Variants in ACBD6 observed in about 807,000 individuals in gnomAD.
The protein encoded by ACBD6 is acyl-CoA binding domain containing 6.
In ACBD6, 28 loss-of-function variants were observed where a neutral mutation model predicts 37.2. The ratio of observed to expected loss-of-function variants is 0.75; its 90% CI spans 0.56 to 1.03. ACBD6 has a LOEUF of 1.03. Ranked by LOEUF, ACBD6 falls within the 50% of genes least tolerant of loss-of-function variation. The pLI, the probability that ACBD6 is intolerant of heterozygous loss-of-function variation, is 0.00. For missense variants in ACBD6, 340 were observed against 337.4 expected (o/e 1.01, Z -0.06); for synonymous variants, 113 against 126.8 (o/e 0.89, Z 0.73).
chr1:180,452,436 A>T (rs1237289822), intron 3 of ACBD6, among the ~76,000 whole-genome samples: 1 of 151,954 alleles, frequency 6.6e-6, no homozygotes, highest in Non-Finnish European at 1.5e-5. Context: ...ATGCCACTGT[A>T]CTCCAGCCTG....
intron 6 of ACBD6, among the ~76,000 whole-genome samples, chr1:180,335,086 T>C (rs1347388962): frequency 6.6e-6 from 1 of 152,320 alleles, no homozygotes; most frequent in African/African-American, 2.4e-5. Flanking sequence ...GAAAACACTC[T>C]GCAGGATATT....
chr1:180,468,240 T>A (rs1051572665), intron 3 of ACBD6, among the ~76,000 whole-genome samples: 2 of 152,202 alleles, frequency 1.3e-5, no homozygotes, highest in East Asian at 3.8e-4. Context: ...CTTCTGGGCT[T>A]GCTAGGTAAT....
chr1:180,411,107 C>A (rs56376445), intron 5 of ACBD6, among the ~76,000 whole-genome samples: 9,647 of 152,166 alleles, frequency 0.063, 947 homozygotes, highest in African/African-American at 0.21. Context: ...AGAAGTGGAA[C>A]CTGAAGATGT....
intron 3 of ACBD6, among the ~76,000 whole-genome samples, chr1:180,481,927 G>A (rs1189992536): frequency 3.9e-5 from 6 of 152,114 alleles, no homozygotes; most frequent in Non-Finnish European, 7.4e-5. Context: ...GGGCTGGATG[G>A]AGTACTATCA....
chr1:180,303,932 G>A (rs1008647066), intron 7 of ACBD6, among the ~76,000 whole-genome samples: 2 of 150,774 alleles, frequency 1.3e-5, no homozygotes, highest in African/African-American at 4.8e-5. Context: ...TTCATCCCTG[G>A]GATGCAAGGC....
intron 3 of ACBD6, among the ~76,000 whole-genome samples, chr1:180,447,325 T>A (rs547290317): frequency 4.1e-4 from 63 of 152,290 alleles, no homozygotes; most frequent in Non-Finnish European, 7.4e-4. Context: ...AGATAATTTT[T>A]ACATATAATT....
chr1:180,316,649 C>A (rs1246878844), intron 6 of ACBD6, among the ~76,000 whole-genome samples: 1 of 152,136 alleles, frequency 6.6e-6, no homozygotes, highest in Non-Finnish European at 1.5e-5. Context: ...AAAGCATAAT[C>A]TATTTCTTTT....
intron 7 of ACBD6, among the ~76,000 whole-genome samples, chr1:180,297,691 A>T (rs1354582230): frequency 6.6e-6 from 1 of 152,144 alleles, no homozygotes; most frequent in African/African-American, 2.4e-5. Flanking sequence ...AGTGTTTAGG[A>T]TTATAGTATC....
intron 5 of ACBD6, among the ~76,000 whole-genome samples, chr1:180,405,528 G>C (rs1647578916): frequency 6.6e-6 from 1 of 152,116 alleles, no homozygotes; most frequent in Admixed American, 6.6e-5. Context: ...GAATGCTTTT[G>C]GGGGGACTGA....
rs1571487422 is a variant in ACBD6, at chr1:180,420,659, TAGAAAGG to T, written c.468-7195_468-7189del. On this transcript the variant is annotated intron_variant, in intron 4 of 7. Transcript: ENST00000367595. ...AGAACTTTAAAAGGCGGTCTCTTAC[TAGAAAGG>T]TACCTCCTGACTTCAGGGAAAAAGA... Among the ~76,000 whole-genome samples, 3 of 152,294 alleles carry T rather than the reference TAGAAAGG, an allele frequency of 2.0e-5. No homozygotes were observed. The East Asian group carries it at 5.8e-4, about 29-fold the overall frequency.
chr1:180,402,465 G>A (rs540431309), intron 5 of ACBD6, among the ~76,000 whole-genome samples: 4 of 152,266 alleles, frequency 2.6e-5, no homozygotes, highest in African/African-American at 9.6e-5. Context: ...AAGATCTAGG[G>A]TAGGGGAAAA....
chr1:180,487,222 G>A (rs1205059337), intron 3 of ACBD6, among the ~76,000 whole-genome samples: 1 of 152,028 alleles, frequency 6.6e-6, no homozygotes, highest in Non-Finnish European at 1.5e-5. Flanking sequence ...TGTTAAAATT[G>A]CTGATTTTGA....
chr1:180,475,465 T>G (rs1571558418), intron 3 of ACBD6, among the ~76,000 whole-genome samples: 1 of 152,152 alleles, frequency 6.6e-6, no homozygotes, highest in Non-Finnish European at 1.5e-5. Flanking sequence ...GAGTTCACTA[T>G]AGCCTCAACC....
At chr1:180,392,610 G>T (rs1466950639) in intron 6 of ACBD6, among the ~76,000 whole-genome samples, 2 of 151,978 alleles carry the variant, frequency 1.3e-5, no homozygotes, top group Non-Finnish European at 2.9e-5. Context: ...TTATGGCATT[G>T]ATGCAATGAC....
At chr1:180,461,670 C>T (rs1319107602) in intron 3 of ACBD6, among the ~76,000 whole-genome samples, 2 of 152,160 alleles carry the variant, frequency 1.3e-5, no homozygotes, top group African/African-American at 4.8e-5. Context: ...AACTAAGCTT[C>T]ATAAGCAAAG....
At chr1:180,327,462 T>C (rs565285295) in intron 6 of ACBD6, among the ~76,000 whole-genome samples, 1 of 152,206 alleles carries the variant, frequency 6.6e-6, no homozygotes, top group Non-Finnish European at 1.5e-5. Context: ...TTTAATAATA[T>C]GAAGTTAAAA....
intron 4 of ACBD6, among the ~76,000 whole-genome samples, chr1:180,427,780 G>C (rs1030582690): frequency 2.6e-5 from 4 of 151,960 alleles, no homozygotes; most frequent in African/African-American, 9.7e-5. Flanking sequence ...AAATTAGTTG[G>C]GCATGGTGGT....
intron 3 of ACBD6, among the ~76,000 whole-genome samples, chr1:180,441,427 TG>T (rs1287677168): frequency 2.6e-5 from 4 of 152,204 alleles, no homozygotes; most frequent in African/African-American, 4.8e-5. Context: ...TTTGACTATT[TG>T]GGGCCCTTTG....
At position 180,288,479 on chromosome 1, in the gene ACBD6, G is replaced by C. The variant is rs756259759; in HGVS notation, c.733C>G (p.Leu245Val). 6.2e-7 allele frequency: 1 copy of C among 1,613,728 alleles called. No homozygotes were observed. Among genetic ancestry groups the C allele is most frequent in the Non-Finnish European group, 8.5e-7 (1 of 1,179,930 alleles). Residue 245 changes from leucine (L) to valine (V), a missense_variant, in exon 8 of 8, where the codon CTC (leucine) becomes GTC (valine). Physicochemically the swap from Leu to Val is conservative, Grantham distance 32. Transcript: ENST00000367595. Reference protein sequence around the residue: ...CEFLDIVELLLQSGADPTLRD... With the variant: ...CEFLDIVELLVQSGADPTLRD... The stretch of plus-strand genomic sequence containing the variant: ...AGAGTGGGGTCAGCACCAGACTGGA[G>C]CAGCAGCTCTACAATATCCAGAAAC...
Sources: gnomAD v4.1 joint callset for allele counts (sites outside exome capture counted in the v4.1 genomes callset) on GRCh38, gnomAD v4.1.1 for gene constraint, MANE v1.5 for transcripts, NCBI Gene and HGNC (gene_info 2026-07-23, HGNC 2026-07-21) for gene names.